Variants in NBPF12 observed in about 807,000 individuals in gnomAD.
NBPF12 encodes NBPF family member NBPF12.
NBPF12 carries 115 observed loss-of-function variants against 146.4 expected under a neutral mutation model. That is an observed-to-expected ratio of 0.79 (90% CI 0.68 to 0.92). NBPF12 has a LOEUF of 0.92. Ranked by LOEUF, NBPF12 falls within the 40% of genes least tolerant of loss-of-function variation. The probability of loss-of-function intolerance (pLI) is 0.00; values close to 1 mark genes in which losing one functional copy is unlikely to be tolerated. For missense variants in NBPF12, 1,205 were observed against 1,326.8 expected, an observed-to-expected ratio of 0.91 and a Z score of 1.43; for synonymous variants, 385 against 508.9, an observed-to-expected ratio of 0.76 and a Z score of 3.28.
exon 5 of NBPF12, chr1:146,962,250 G>C (rs1655894640): frequency 3.1e-6 from 5 of 1,605,012 alleles, no homozygotes; most frequent in Admixed American, 3.3e-5. Flanking sequence ...GCTGAAACAA[G>C]CTGAGGAGCT....
intron 4 of NBPF12, among the ~76,000 whole-genome samples, chr1:146,961,809 A>T (rs1655868495): frequency 6.6e-6 from 1 of 151,996 alleles, no homozygotes; most frequent in African/African-American, 2.4e-5. Context: ...TCACTACTTC[A>T]TGCCCCAGTG....
At chr1:146,982,772 G>A (rs1657477102) in intron 19 of NBPF12, among the ~76,000 whole-genome samples, 156 bp from the exon 23 acceptor site, 1 of 151,566 alleles carries the variant, frequency 6.6e-6, no homozygotes, top group Non-Finnish European at 1.5e-5. Context: ...CCTCCACCCT[G>A]TATTTAGAAG....
chr1:146,994,018 A>G (rs1475953776), intron 33 of NBPF12, among the ~76,000 whole-genome samples: 1 of 91,520 alleles, frequency 1.1e-5, no homozygotes, highest in Non-Finnish European at 2.1e-5. Flanking sequence ...GCTGTGTGTC[A>G]TGAGGGCACT....
At chr1:146,986,064 A>G (rs1657736823) in intron 23 of NBPF12, among the ~76,000 whole-genome samples, 1 of 151,920 alleles carries the variant, frequency 6.6e-6, no homozygotes, top group Admixed American at 6.5e-5. Flanking sequence ...GTGTGTCCCG[A>G]GGGCACTAAA....
chr1:146,968,866 C>T (rs1268403591), intron 10 of NBPF12, among the ~76,000 whole-genome samples: 40 of 151,404 alleles, frequency 2.6e-4, no homozygotes, highest in African/African-American at 9.6e-4. Flanking sequence ...GGTGTGCCAT[C>T]ACGACCCCAC....
At chr1:146,980,498 T>A (rs1237053293) in intron 19 of NBPF12, among the ~76,000 whole-genome samples, 17 of 151,772 alleles carry the variant, frequency 1.1e-4, no homozygotes, top group Admixed American at 2.6e-4. Flanking sequence ...GAGCTCTTTT[T>A]GGGCAGGCCT....
chr1:146,972,956 A>G (rs1656749788), exon 14 of NBPF12: 5 of 921,382 alleles, frequency 5.4e-6, no homozygotes, highest in Admixed American at 3.4e-5. Context: ...AGCAGAACAA[A>G]TACAGTAAGA....
chr1:146,971,981 G>A lies in NBPF12; in HGVS notation c.1591+587G>A, dbSNP rs1553886553. The stretch of plus-strand genomic sequence containing the variant: ...TGGGTGCCTGTAGTCTCAGCTACTT[G>A]GGAGGCTGAGGCAGGAGAATGGCAT... On this transcript the variant is annotated intron_variant, in intron 13 of 33. Coordinates refer to ENST00000617844, the Ensembl canonical transcript of NBPF12. Among the ~76,000 whole-genome samples, 41 of 149,878 alleles carry A rather than the reference G, an allele frequency of 2.7e-4. 2 individuals carry two copies. The highest frequency in any genetic ancestry group is 8.3e-4 in the African/African-American group (33 of 39,858).
At chr1:146,960,552 C>T (rs1489108810) in intron 4 of NBPF12, among the ~76,000 whole-genome samples, 2,186 of 151,184 alleles carry the variant, frequency 0.014, 70 homozygotes, top group African/African-American at 0.051. Flanking sequence ...CTCACAGTTA[C>T]TGATTTCTGA....
chr1:146,964,381 A>G (rs1559520652), exon 7 of NBPF12: 1 of 1,603,298 alleles, frequency 6.2e-7, no homozygotes, highest in Non-Finnish European at 8.5e-7. Flanking sequence ...GAGGATGAAG[A>G]TGTTCAAGTT....
At chr1:146,942,932 T>A (rs1654871168) in intron 1 of NBPF12, among the ~76,000 whole-genome samples, 1 of 135,720 alleles carries the variant, frequency 7.4e-6, no homozygotes, top group African/African-American at 2.8e-5. Flanking sequence ...GTCAGGACTC[T>A]ATTTTTTCCC....
intron 13 of NBPF12, among the ~76,000 whole-genome samples, chr1:146,971,822 G>A (rs1333339213): frequency 6.7e-6 from 1 of 150,174 alleles, no homozygotes; most frequent in Non-Finnish European, 1.5e-5. Flanking sequence ...GCTCACACAT[G>A]TAATCCCAGC....
intron 11 of NBPF12, 142 bp downstream of exon 14, chr1:146,969,738 G>C (rs1656456061): frequency 6.7e-7 from 1 of 1,500,968 alleles, no homozygotes; most frequent in Non-Finnish European, 9.2e-7. Context: ...AGGACTTCCT[G>C]GGTAAGAACG....
At chr1:146,960,086 A>G in intron 3 of NBPF12, 23 bp from the exon 7 acceptor site, 6 of 524,032 alleles carry the variant, frequency 1.1e-5, no homozygotes, top group Middle Eastern at 4.5e-4. Flanking sequence ...AACCCATCAT[A>G]TGTTTGGGTT....
chr1:146,940,968 A>G (rs1344850589), intron 1 of NBPF12, among the ~76,000 whole-genome samples: 2 of 151,852 alleles, frequency 1.3e-5, no homozygotes, highest in African/African-American at 4.9e-5. Context: ...GATTTGTAAT[A>G]CTTTATTCTG....
intron 10 of NBPF12, among the ~76,000 whole-genome samples, 172 bp downstream of exon 13, chr1:146,968,722 T>A (rs1354400836): frequency 4.0e-5 from 6 of 151,586 alleles, no homozygotes; most frequent in Non-Finnish European, 8.8e-5. Context: ...ATAATAAAAA[T>A]TTATGGGTTG....
At chr1:146,981,697 A>T (rs1657407659) in intron 19 of NBPF12, among the ~76,000 whole-genome samples, 1 of 151,764 alleles carries the variant, frequency 6.6e-6, no homozygotes, top group South Asian at 2.1e-4. Flanking sequence ...CACCAATCAA[A>T]CGTAGATTTG....
chr1:146,945,614 T>A (rs1655017285), upstream of NBPF12, among the ~76,000 whole-genome samples: 3 of 150,290 alleles, frequency 2.0e-5, no homozygotes, highest in Admixed American at 6.6e-5. Context: ...TGCTGCATCC[T>A]AATTAAAAAA....
intron 19 of NBPF12, among the ~76,000 whole-genome samples, chr1:146,982,523 T>C (rs1657458943): frequency 6.6e-6 from 1 of 151,946 alleles, no homozygotes; most frequent in Admixed American, 6.6e-5. Flanking sequence ...ATTGGGAAAA[T>C]GGGGCCCTTA....
Sources: allele counts gnomAD v4.1 joint callset (sites outside exome capture counted in the v4.1 genomes callset), GRCh38; gene constraint gnomAD v4.1.1; transcripts MANE v1.5; gene names NCBI Gene and HGNC (gene_info 2026-07-23, HGNC 2026-07-21).